LRRFIP2: variants seen among roughly 807,000 people sequenced by gnomAD.
LRRFIP2 encodes LRR binding FLII interacting protein 2.
Under a neutral mutation model 125.9 loss-of-function variants are expected in LRRFIP2, and 109 were observed. That is an observed-to-expected ratio of 0.87 (90% CI 0.74 to 1.01). The LOEUF (loss-of-function observed/expected upper bound fraction) is 1.01, where lower values mean the gene tolerates loss of function less well. LRRFIP2 is among the 50% of genes least tolerant of loss of function. The pLI is 0.00. For synonymous variants in LRRFIP2, 291 were observed against 293.1 expected, an observed-to-expected ratio of 0.99 and a Z score of 0.07; for missense variants, 850 against 862.3, an observed-to-expected ratio of 0.99 and a Z score of 0.18.
In LRRFIP2 at chr3:37,053,965, G is replaced by C. The variant is rs200140536; in HGVS notation, c.2056-4C>G. On this transcript the variant is annotated splice_region_variant and splice_polypyrimidine_tract_variant and intron_variant, in intron 27 of 27. Coordinates refer to ENST00000336686, the MANE Select transcript of LRRFIP2 (RefSeq NM_006309.4). ...TCTTGTCCAGTGCTGTTCGTAACTG[G>C]AGACAGGGAGAATGCAGTCACTACA... 9.7e-6 allele frequency: 15 copies of C among 1,539,922 alleles called. No individual in the cohort carries two copies. Among genetic ancestry groups the C allele is most frequent in the Non-Finnish European group, 1.3e-5 (14 of 1,112,410 alleles).
chr3:37,079,335 A>G (rs2092418127), intron 19 of LRRFIP2, among the ~76,000 whole-genome samples: 1 of 152,250 alleles, frequency 6.6e-6, no homozygotes, highest in Non-Finnish European at 1.5e-5. Context: ...GTGTGAGAAT[A>G]TAAAATGGTG....
chr3:37,077,763 T>A (rs1363372331), intron 19 of LRRFIP2, among the ~76,000 whole-genome samples: 1 of 152,122 alleles, frequency 6.6e-6, no homozygotes, highest in African/African-American at 2.4e-5. Context: ...AAGTGGCCAT[T>A]GATAGATGAA....
intron 1 of LRRFIP2, among the ~76,000 whole-genome samples, chr3:37,166,725 T>TA (rs113778901): frequency 0.39 from 57,365 of 148,082 alleles, 11,561 homozygotes; most frequent in Non-Finnish European, 0.46. Context: ...CTACAAAATA[T>TA]AAAAAAAAAG....
At chr3:37,152,905 A>G (rs2096072498) in intron 1 of LRRFIP2, among the ~76,000 whole-genome samples, 2 of 152,212 alleles carry the variant, frequency 1.3e-5, no homozygotes, top group Admixed American at 6.5e-5. Context: ...CAAGGACACA[A>G]TGAAAGATAT....
intron 4 of LRRFIP2, 21 bp from the exon 5 acceptor site, chr3:37,121,712 T>G: frequency 6.2e-7 from 1 of 1,611,818 alleles, no homozygotes; most frequent in Non-Finnish European, 8.5e-7. Context: ...AGAAAGTACA[T>G]GGAGAGTTAA....
intron 14 of LRRFIP2, 86 bp from the exon 15 acceptor site, chr3:37,103,099 T>C (rs1576620016): frequency 1.1e-6 from 1 of 941,850 alleles, no homozygotes; most frequent in Non-Finnish European, 1.6e-6. Context: ...TAGGGAAAAG[T>C]TTTTTAAAAT....
At chr3:37,103,179 AAAAAG>A (rs1437152608) in intron 14 of LRRFIP2, among the ~76,000 whole-genome samples, 166 bp from the exon 15 acceptor site, 6 of 152,166 alleles carry the variant, frequency 3.9e-5, no homozygotes, top group African/African-American at 9.7e-5. Context: ...CAAAAAAATA[AAAAAG>A]AAAAGGGGTT....
chr3:37,161,171 C>G (rs2096329510), intron 1 of LRRFIP2, among the ~76,000 whole-genome samples: 1 of 127,458 alleles, frequency 7.8e-6, no homozygotes, highest in Admixed American at 8.5e-5. Flanking sequence ...TGGTGAAACC[C>G]CATCTACTAA....
intron 1 of LRRFIP2, among the ~76,000 whole-genome samples, chr3:37,156,042 T>G (rs1463569376): frequency 6.6e-6 from 1 of 152,088 alleles, no homozygotes; most frequent in Non-Finnish European, 1.5e-5. Context: ...ATTTGGCGAA[T>G]TTTTGTATTT....
At chr3:37,075,152 A>T in intron 19 of LRRFIP2, 36 bp from the exon 20 acceptor site, 1 of 1,446,588 alleles carries the variant, frequency 6.9e-7, no homozygotes. Flanking sequence ...TACACAGGTC[A>T]TGGCACACAA....
At chr3:37,065,628 C>A (rs2089973481) in intron 23 of LRRFIP2, 182 bp downstream of exon 23, 6 of 759,862 alleles carry the variant, frequency 7.9e-6, no homozygotes, top group Non-Finnish European at 1.1e-5. Flanking sequence ...GACCCAGATG[C>A]TGATTTCCCA....
chr3:37,117,543 A>G (rs2094846174), intron 6 of LRRFIP2, among the ~76,000 whole-genome samples: 1 of 152,158 alleles, frequency 6.6e-6, no homozygotes, highest in Non-Finnish European at 1.5e-5. Context: ...GTAAGGGCTC[A>G]TTTCCAAATT....
intron 4 of LRRFIP2, among the ~76,000 whole-genome samples, chr3:37,123,433 C>T (rs934524485): frequency 2.6e-5 from 4 of 152,206 alleles, no homozygotes; most frequent in African/African-American, 9.6e-5. Flanking sequence ...AAGGGATCTG[C>T]CCGCCTCGGC....
At chr3:37,081,252 A>T (rs2092615635) in intron 19 of LRRFIP2, among the ~76,000 whole-genome samples, 2 of 152,246 alleles carry the variant, frequency 1.3e-5, no homozygotes, top group African/African-American at 4.8e-5. Flanking sequence ...TAAAAACAAT[A>T]AAATTAAATT....
rs534393469 is a variant in LRRFIP2 at position 37,098,874 on chromosome 3, T to TAA, written c.874-2216_874-2215dup. Reference sequence around the variant, plus strand: ...TTCCAACTCTTTTCTGCTAATGTGTTAAAGAGAAAAGCACACAGCATTCAA... The same window carrying TAA: ...TTCCAACTCTTTTCTGCTAATGTGTTAAAAAGAGAAAAGCACACAGCATTCAA... On this transcript the variant is annotated intron_variant, in intron 15 of 27. Transcript: ENST00000336686. 4.5e-3 allele frequency among the ~76,000 whole-genome samples: 683 copies of TAA among 152,318 alleles called. 4 individuals carry two copies. The highest frequency in any genetic ancestry group is 0.041 in the Middle Eastern group (12 of 294).
rs371867369 is a variant in LRRFIP2 at position 37,095,076 on chromosome 3, T to C, written c.919-168A>G. On this transcript the variant is annotated intron_variant, in intron 16 of 27. Transcript: ENST00000336686. Reference sequence around the variant, plus strand: ...GATTGGCTTTGCAGGTATCCAGGTATACAGAGAAGGGCCCAAGCATACTAA... The same window carrying C: ...GATTGGCTTTGCAGGTATCCAGGTACACAGAGAAGGGCCCAAGCATACTAA... Among the ~76,000 whole-genome samples, 67 of 152,294 alleles carry C rather than the reference T, an allele frequency of 4.4e-4. 1 individual carries two copies. The highest frequency in any genetic ancestry group is 1.5e-3 in the African/African-American group (61 of 41,538).
rs1482970226 is a variant in LRRFIP2, at chr3:37,053,958, G to A, written c.2059C>T (p.Arg687Ter). 1.0e-5 allele frequency: 16 copies of A among 1,582,042 alleles called. No individual in the cohort carries two copies. The highest frequency in any genetic ancestry group is 1.7e-4 in the Middle Eastern group (1 of 6,030). ...TCCTCAATCTTGTCCAGTGCTGTTCGTAACTGGAGACAGGGAGAATGCAGT... is the reference window on the plus strand; with the variant it reads ...TCCTCAATCTTGTCCAGTGCTGTTCATAACTGGAGACAGGGAGAATGCAGT... ...AEKRKLQREL[R>*]TALDKIEEME... The change falls in exon 28 of 28, where the codon CGA becomes TGA. Residue 687 changes from arginine to a stop codon, truncating the protein, a stop_gained. Transcript: ENST00000336686. LOFTEE classifies it high-confidence loss of function.
chr3:37,156,867 TGTCTGTAA>T (rs1039119119), intron 1 of LRRFIP2, among the ~76,000 whole-genome samples: 4 of 151,962 alleles, frequency 2.6e-5, no homozygotes, highest in African/African-American at 9.7e-5. Flanking sequence ...TGGTGGCTCA[TGTCTGTAA>T]TCCCAGCACT....
At chr3:37,087,153 C>T (rs1050879823) in intron 18 of LRRFIP2, among the ~76,000 whole-genome samples, 2 of 152,170 alleles carry the variant, frequency 1.3e-5, no homozygotes, top group East Asian at 1.9e-4. Flanking sequence ...CCTGGCCACA[C>T]ACACTTTTAA....
Sources: allele counts gnomAD v4.1 joint callset (sites outside exome capture counted in the v4.1 genomes callset), GRCh38; gene constraint gnomAD v4.1.1; transcripts MANE v1.5; gene names NCBI Gene and HGNC (gene_info 2026-07-23, HGNC 2026-07-21).